EVC2: variants seen among roughly 807,000 people sequenced by gnomAD.
The protein encoded by EVC2 is limbin.
A neutral mutation model predicts 149.3 loss-of-function variants in EVC2; 148 were observed. That is an observed-to-expected ratio of 0.99 (90% CI 0.87 to 1.14). The LOEUF is 1.14. EVC2 is among the 50% of genes most tolerant of loss of function. The pLI is 0.00. For synonymous variants in EVC2, 776 were observed against 649.9 expected (o/e 1.19, Z -2.95); for missense variants, 1,854 against 1,627.3 (o/e 1.14, Z -2.40).
chr4:5,706,962 C>T (rs1185781154), intron 1 of EVC2, among the ~76,000 whole-genome samples: 1 of 152,164 alleles, frequency 6.6e-6, no homozygotes, highest in African/African-American at 2.4e-5. Context: ...TCCCTTCTGG[C>T]AGGGACCACC....
intron 1 of EVC2, among the ~76,000 whole-genome samples, chr4:5,700,093 T>A (rs2151742225): frequency 6.6e-6 from 1 of 152,240 alleles, no homozygotes; most frequent in East Asian, 1.9e-4. Flanking sequence ...TGAGTGGAGA[T>A]GGCGCCACTG....
Position 5,582,933 on chromosome 4 carries a change from G to A in EVC2, c.3057+1690C>T, listed in dbSNP as rs113383513. Among the ~76,000 whole-genome samples, 490 of 152,270 alleles carry A rather than the reference G, an allele frequency of 3.2e-3. 2 individuals are homozygous for A. The highest frequency in any genetic ancestry group is 0.011 in the African/African-American group (456 of 41,552). ...CTGCTTCCCCTTCACCTTCTACCAT[G>A]ATTGTAAGTTTCCTGAGTCCTCCCC... On this transcript the variant is annotated intron_variant, in intron 17 of 21. Transcript: ENST00000344408.
rs1193381772 is a variant in EVC2, at chr4:5,677,268, C to T, written c.870+3992G>A. Among the ~76,000 whole-genome samples, 3 of 152,166 alleles carry T rather than the reference C, an allele frequency of 2.0e-5. No individual in the cohort carries two copies. Among genetic ancestry groups the T allele is most frequent in the Admixed American group, 1.3e-4 (2 of 15,284 alleles). ...GGCCCTCAGAGGTAAGTGACGTGCC[C>T]AAGCTCACATGCAATCAGTGGAGGG... On this transcript the variant is annotated intron_variant, in intron 7 of 21. Transcript: ENST00000344408. This position sits in a 1 kb window ranked among gnomAD's most constrained non-coding sequence, Gnocchi z 4.3.
intron 16 of EVC2, among the ~76,000 whole-genome samples, chr4:5,597,477 T>C (rs1577137451): frequency 1.3e-5 from 2 of 151,452 alleles, no homozygotes. Flanking sequence ...CACATGATTA[T>C]CTCAATAGAT....
intron 2 of EVC2, among the ~76,000 whole-genome samples, chr4:5,695,121 G>A (rs1193369649): frequency 2.6e-5 from 4 of 152,036 alleles, no homozygotes; most frequent in South Asian, 2.1e-4. Context: ...AGGCTGAGGC[G>A]GGCAGATCAC....
intron 9 of EVC2, among the ~76,000 whole-genome samples, chr4:5,650,666 GA>G (rs2108878677): frequency 5.6e-5 from 8 of 142,634 alleles, no homozygotes; most frequent in African/African-American, 1.8e-4. Context: ...GAGAGAGAGA[GA>G]GAGAGCCATT....
chr4:5,592,618 G>C (rs1012910162), intron 16 of EVC2, among the ~76,000 whole-genome samples: 2 of 152,218 alleles, frequency 1.3e-5, no homozygotes, highest in South Asian at 2.1e-4. Flanking sequence ...GTGATCAGCA[G>C]CTTCCCGATA....
chr4:5,557,788 C>T (rs201772051), downstream of EVC2, among the ~76,000 whole-genome samples: 6 of 151,878 alleles, frequency 4.0e-5, no homozygotes, highest in South Asian at 8.3e-4. Flanking sequence ...GACTGGAATT[C>T]GAAATGTTAA....
At chr4:5,644,186 C>T (rs955400796) in intron 9 of EVC2, among the ~76,000 whole-genome samples, 1 of 152,190 alleles carries the variant, frequency 6.6e-6, no homozygotes. Flanking sequence ...CTCTCTCTAT[C>T]CTCTGTATTT....
the EVC2 span, among the ~76,000 whole-genome samples, chr4:5,531,940 C>T: frequency 2.0e-5 from 3 of 151,994 alleles, no homozygotes. Context: ...TAAGTCATCT[C>T]TAGTTTACCT....
In EVC2 at chr4:5,563,184, C is replaced by T. The variant is rs1368821763; in HGVS notation, c.3660-69G>A. The T allele has an allele frequency of 3.4e-6, 5 of 1,461,424 alleles. No individual in the cohort carries two copies. In the African/African-American group the frequency reaches 7.0e-5, roughly 20 times the overall value. 90.5% of individuals were successfully genotyped at this position (1,461,424 alleles called of 1,614,324 possible). A position where few individuals can be genotyped will look rare whatever the true frequency, so the allele number is the denominator to read the frequency against. On this transcript the variant is annotated intron_variant, in intron 21 of 21. Coordinates refer to ENST00000344408, the MANE Select transcript of EVC2 (RefSeq NM_147127.5). ...AACCCTCTGGAGTGTTCTGAGTTCT[C>T]CAAGAGAATCCCTCCTTGGGTCCTG...
intron 7 of EVC2, among the ~76,000 whole-genome samples, chr4:5,678,652 A>G (rs1720147580): frequency 6.6e-6 from 1 of 152,214 alleles, no homozygotes; most frequent in African/African-American, 2.4e-5. Flanking sequence ...GGTATAGTCT[A>G]TTCCTCCTGG....
At chr4:5,615,583 T>C (rs960126136) in intron 15 of EVC2, 39 bp from the exon 16 acceptor site, 16 of 1,613,786 alleles carry the variant, frequency 9.9e-6, no homozygotes, top group Middle Eastern at 1.6e-4. Flanking sequence ...AAGAAGGCAA[T>C]CACCAGCAAG....
At chr4:5,673,567 C>CA (rs71171410) in intron 7 of EVC2, among the ~76,000 whole-genome samples, 38 of 148,944 alleles carry the variant, frequency 2.6e-4, no homozygotes, top group East Asian at 2.4e-3. Context: ...CCCGGCTTCC[C>CA]CCCCAGAGTC....
rs202093939 is a variant in EVC2 at position 5,669,933 on chromosome 4, C to T, written c.871-4284G>A. 7.9e-5 allele frequency among the ~76,000 whole-genome samples: 12 copies of T among 152,330 alleles called. No individual in the cohort carries two copies. The East Asian group carries it at 2.1e-3, about 27-fold the overall frequency. On this transcript the variant is annotated intron_variant, in intron 7 of 21. Transcript: ENST00000344408. ...CATCACCTGTCACCCCCTTCTCTTA[C>T]AATTCCTGCTTTCTGACACCAAGTA...
intron 16 of EVC2, among the ~76,000 whole-genome samples, chr4:5,587,714 G>A (rs1347727065): frequency 2.6e-5 from 4 of 152,154 alleles, no homozygotes; most frequent in Non-Finnish European, 5.9e-5. Context: ...TCCCTTTTAA[G>A]GGCTCACAAC....
rs755806909 is a variant in EVC2, at chr4:5,618,437, G to T, written c.2706+41C>A. The stretch of plus-strand genomic sequence containing the variant: ...CCTGTAGGGCCAGCAGCTGGGAGAC[G>T]GCCCTGCTTCTGTAATCGGCCACTG... On this transcript the variant is annotated intron_variant, in intron 15 of 21. Transcript: ENST00000344408. The surrounding 1 kb of genome is among the most constrained non-coding windows in gnomAD (Gnocchi z 4.4). 1.2e-6 allele frequency: 2 copies of T among 1,609,596 alleles called. No homozygotes were observed. The highest frequency in any genetic ancestry group is 1.7e-6 in the Non-Finnish European group (2 of 1,177,850).
At chr4:5,669,964 C>T (rs966057290) in intron 7 of EVC2, among the ~76,000 whole-genome samples, 1 of 152,186 alleles carries the variant, frequency 6.6e-6, no homozygotes, top group Non-Finnish European at 1.5e-5. Flanking sequence ...AAGTAACAAG[C>T]AAACCTAGGT....
Position 5,708,529 on chromosome 4 carries a change from G to A in EVC2, c.-16C>T, listed in dbSNP as rs1235922656. The A allele has an allele frequency of 4.2e-6, 6 of 1,428,700 alleles. No individual in the cohort carries two copies. Among genetic ancestry groups the A allele is most frequent in the Admixed American group, 2.9e-5 (1 of 34,732 alleles). 88.5% of individuals were successfully genotyped at this position (1,428,700 alleles called of 1,614,324 possible). A position where few individuals can be genotyped will look rare whatever the true frequency, so the allele number is the denominator to read the frequency against. On this transcript the variant is annotated 5_prime_UTR_variant, in exon 1 of 22. Coordinates refer to ENST00000344408, the MANE Select transcript of EVC2 (RefSeq NM_147127.5). ...AGGGGTCCATCGCCTGTCGGGACCCGCTACCTCAAAGCGGCGGGTGCCGCC... is the reference window on the plus strand; with the variant it reads ...AGGGGTCCATCGCCTGTCGGGACCCACTACCTCAAAGCGGCGGGTGCCGCC...
Sources: allele counts gnomAD v4.1 joint callset (sites outside exome capture counted in the v4.1 genomes callset), GRCh38; gene constraint gnomAD v4.1.1; non-coding constraint Gnocchi (gnomAD v3.1); transcripts MANE v1.5; gene names NCBI Gene and HGNC (gene_info 2026-07-23, HGNC 2026-07-21).